Variants in PRKN observed in about 807,000 individuals in gnomAD.
The protein encoded by PRKN is parkin RBR E3 ubiquitin protein ligase.
A neutral mutation model predicts 59.5 loss-of-function variants in PRKN; 56 were observed. The ratio of observed to expected loss-of-function variants is 0.94; its 90% CI spans 0.76 to 1.18. The LOEUF (loss-of-function observed/expected upper bound fraction) is 1.18, where lower values mean the gene tolerates loss of function less well. PRKN is among the 50% of genes most tolerant of loss of function. The probability of loss-of-function intolerance (pLI) is 0.00; values close to 1 mark genes in which losing one functional copy is unlikely to be tolerated. For missense variants in PRKN, 657 were observed against 596.4 expected (o/e 1.10, Z -1.06); for synonymous variants, 250 against 222.1 (o/e 1.13, Z -1.12).
At chr6:162,486,555 T>C (rs2128183686) in intron 1 of PRKN, among the ~76,000 whole-genome samples, 2 of 152,332 alleles carry the variant, frequency 1.3e-5, no homozygotes, top group South Asian at 4.1e-4. Flanking sequence ...AGAGACCGAA[T>C]ATGAGAAGTG....
At chr6:161,441,470 C>T (rs1789220010) in intron 9 of PRKN, among the ~76,000 whole-genome samples, 1 of 151,746 alleles carries the variant, frequency 6.6e-6, no homozygotes, top group South Asian at 2.1e-4. Context: ...CGTGGTGAAA[C>T]CCCGTATCTA....
intron 2 of PRKN, among the ~76,000 whole-genome samples, chr6:162,398,395 GT>G (rs34350272): frequency 1.7e-4 from 14 of 84,712 alleles, no homozygotes; most frequent in South Asian, 3.6e-4. Flanking sequence ...TTCTCTTTTT[GT>G]TTTTTTTTTT....
intron 1 of PRKN, among the ~76,000 whole-genome samples, chr6:162,697,360 C>CA (rs914853054): frequency 6.6e-6 from 1 of 151,770 alleles, no homozygotes; most frequent in Admixed American, 6.6e-5. Flanking sequence ...CATTTTAGGT[C>CA]AAAAAAATGC....
At chr6:162,384,188 G>A (rs995095440) in intron 2 of PRKN, among the ~76,000 whole-genome samples, 21 of 152,156 alleles carry the variant, frequency 1.4e-4, no homozygotes, top group African/African-American at 5.1e-4. Context: ...TTTGGCACAA[G>A]AGGCCTAGTT....
In PRKN at chr6:162,346,062, C is replaced by T. The variant is rs1784390843; in HGVS notation, c.172-83297G>A. ...CAGGAGAAAGGTCCTGACCAGATACCATTGCCACGTTCTAGGACATTCCAG... is the reference window on the plus strand; with the variant it reads ...CAGGAGAAAGGTCCTGACCAGATACTATTGCCACGTTCTAGGACATTCCAG... On this transcript the variant is annotated intron_variant, in intron 2 of 11. Transcript: ENST00000366898. 2.0e-5 allele frequency among the ~76,000 whole-genome samples: 3 copies of T among 152,114 alleles called. No individual in the cohort carries two copies. The South Asian group carries it at 6.2e-4, about 31-fold the overall frequency.
intron 4 of PRKN, among the ~76,000 whole-genome samples, chr6:162,139,863 T>C (rs1781704702): frequency 6.7e-6 from 1 of 148,758 alleles, no homozygotes. Flanking sequence ...TTAAACATTA[T>C]GAACCTGACA....
At chr6:161,602,193 CAATCT>C (rs1204705648) in intron 7 of PRKN, among the ~76,000 whole-genome samples, 8 of 152,240 alleles carry the variant, frequency 5.3e-5, no homozygotes, top group South Asian at 2.1e-4. Context: ...TCCAATCAAT[CAATCT>C]AATCAACCAA....
chr6:162,669,508 A>C (rs1283487715), intron 1 of PRKN, among the ~76,000 whole-genome samples: 1 of 152,154 alleles, frequency 6.6e-6, no homozygotes, highest in East Asian at 1.9e-4. Flanking sequence ...GCCCTTCCTA[A>C]TTCAAGAACG....
intron 2 of PRKN, among the ~76,000 whole-genome samples, chr6:162,389,016 A>AC (rs973759091): frequency 1.1e-4 from 17 of 151,158 alleles, no homozygotes; most frequent in Admixed American, 6.6e-5. Context: ...AGAAAAAAAA[A>AC]AAAAAAAACA....
chr6:162,160,177 TATAA>T lies in PRKN; in HGVS notation c.534+40950_534+40953del, dbSNP rs1183687411. On this transcript the variant is annotated intron_variant, in intron 4 of 11. Coordinates refer to ENST00000366898, the MANE Select transcript of PRKN (RefSeq NM_004562.3). The stretch of plus-strand genomic sequence containing the variant: ...TGATGAAGAACTTGCATCTAGACTC[TATAA>T]ATACTTTTCAAAACTCAATAATAAG... Among the ~76,000 whole-genome samples, 8 of 152,308 alleles carry T rather than the reference TATAA, an allele frequency of 5.3e-5. No homozygotes were observed. In the East Asian group the frequency reaches 5.8e-4, roughly 11 times the overall value.
At chr6:161,573,475 C>T (rs1303828838) in intron 7 of PRKN, among the ~76,000 whole-genome samples, 1 of 151,446 alleles carries the variant, frequency 6.6e-6, no homozygotes, top group Non-Finnish European at 1.5e-5. Flanking sequence ...AATCCCAGCA[C>T]TTTGGGAGGC....
chr6:161,916,808 CT>C (rs761940319), intron 6 of PRKN, among the ~76,000 whole-genome samples: 1 of 151,662 alleles, frequency 6.6e-6, no homozygotes, highest in Non-Finnish European at 1.5e-5. Flanking sequence ...TTTTCTTTTT[CT>C]TTTTTTTGAG....
chr6:162,310,386 C>T (rs866292423), intron 2 of PRKN, among the ~76,000 whole-genome samples: 13 of 152,118 alleles, frequency 8.5e-5, no homozygotes, highest in Admixed American at 3.3e-4. Flanking sequence ...GCCATGGTGA[C>T]GGAAGCAGAG....
At chr6:161,874,651 A>G (rs1369224336) in intron 6 of PRKN, among the ~76,000 whole-genome samples, 1 of 7,854 alleles carries the variant, frequency 1.3e-4, no homozygotes, top group Non-Finnish European at 3.8e-4. Flanking sequence ...TTACATATAA[A>G]ATGTATAATA....
At chr6:162,133,638 AT>A (rs1214366349) in intron 4 of PRKN, among the ~76,000 whole-genome samples, 3 of 152,168 alleles carry the variant, frequency 2.0e-5, no homozygotes, top group Admixed American at 6.6e-5. Context: ...AATGACAATA[AT>A]TTAAAAGGTA....
intron 6 of PRKN, among the ~76,000 whole-genome samples, chr6:161,941,106 G>C (rs74639057): frequency 0.013 from 1,938 of 152,306 alleles, 44 homozygotes; most frequent in African/African-American, 0.042. Flanking sequence ...TCCCTGCCTA[G>C]GGCTCCACTC....
chr6:161,394,163 T>G (rs572276675), intron 9 of PRKN, among the ~76,000 whole-genome samples: 25 of 152,104 alleles, frequency 1.6e-4, no homozygotes, highest in Non-Finnish European at 2.6e-4. Flanking sequence ...AACACAATTT[T>G]GAAAAGAAGA....
At chr6:162,177,634 G>A (rs1277902719) in intron 4 of PRKN, among the ~76,000 whole-genome samples, 1 of 151,764 alleles carries the variant, frequency 6.6e-6, no homozygotes, top group Non-Finnish European at 1.5e-5. Flanking sequence ...AAAGGACTTT[G>A]ATATAATTAA....
At chr6:161,886,637 C>T (rs1056343134) in intron 6 of PRKN, among the ~76,000 whole-genome samples, 21 of 151,722 alleles carry the variant, frequency 1.4e-4, no homozygotes, top group East Asian at 1.2e-3. Flanking sequence ...GTGGAGGTTG[C>T]GGTGAGCCGA....
Sources: gnomAD v4.1 joint callset for allele counts (sites outside exome capture counted in the v4.1 genomes callset) on GRCh38, gnomAD v4.1.1 for gene constraint, MANE v1.5 for transcripts, NCBI Gene and HGNC (gene_info 2026-07-23, HGNC 2026-07-21) for gene names.